Variants in SCHIP1 observed in about 807,000 individuals in gnomAD.
SCHIP1 encodes schwannomin-interacting protein 1.
In SCHIP1, 8 loss-of-function variants were observed where a neutral mutation model predicts 29.7. The observed-to-expected ratio is 0.27, with a 90% CI of 0.16 to 0.49. The LOEUF (loss-of-function observed/expected upper bound fraction) is 0.49. Ranked by LOEUF, SCHIP1 falls within the 20% of genes least tolerant of loss-of-function variation. The probability of loss-of-function intolerance (pLI) is 0.99; values close to 1 mark genes in which losing one functional copy is unlikely to be tolerated. For missense variants in SCHIP1, 193 were observed against 294.6 expected (o/e 0.66, Z 2.52); for synonymous variants, 76 against 94.9 (o/e 0.80, Z 1.16).
chr3:159,497,471 AC>A, the SCHIP1 span, among the ~76,000 whole-genome samples: 2 of 151,154 alleles, frequency 1.3e-5, no homozygotes, highest in East Asian at 3.9e-4. Flanking sequence ...CTTCAAAACC[AC>A]CCCCAAGTAT....
chr3:159,496,343 G>A, the SCHIP1 span, among the ~76,000 whole-genome samples: 1 of 152,096 alleles, frequency 6.6e-6, no homozygotes. Context: ...GAAAATTTTT[G>A]CAACCTACTC....
rs1405352160 is a variant in SCHIP1, at chr3:159,887,695, T to C, written c.268-13T>C. Reference sequence around the variant, plus strand: ...TGCATGGAAGGCTCAGGCTGCTCTTTTTCCCTTTGCAGAGCAAACAGAGTT... The same window carrying C: ...TGCATGGAAGGCTCAGGCTGCTCTTCTTCCCTTTGCAGAGCAAACAGAGTT... On this transcript the variant is annotated splice_polypyrimidine_tract_variant and intron_variant, in intron 3 of 6. Transcript: ENST00000445224. The C allele has an allele frequency of 3.7e-6, 6 of 1,613,676 alleles. No homozygotes were observed. The highest frequency in any genetic ancestry group is 1.3e-5 in the African/African-American group (1 of 74,898).
the SCHIP1 span, among the ~76,000 whole-genome samples, chr3:159,522,861 C>G: frequency 6.7e-6 from 1 of 150,348 alleles, no homozygotes; most frequent in Admixed American, 6.6e-5. Context: ...GAGCGAGACT[C>G]TGTCTCAAAA....
the SCHIP1 span, among the ~76,000 whole-genome samples, chr3:159,729,455 A>C: frequency 2.6e-5 from 4 of 152,328 alleles, no homozygotes; most frequent in South Asian, 8.3e-4. Context: ...GCATAGCTAA[A>C]AGAGAGTCAC....
At chr3:159,516,399 C>T in the SCHIP1 span, among the ~76,000 whole-genome samples, 5 of 152,176 alleles carry the variant, frequency 3.3e-5, no homozygotes, top group Admixed American at 6.5e-5. Flanking sequence ...TTTGACTCCT[C>T]GCTCTGCCTC....
At chr3:159,621,892 C>A in the SCHIP1 span, among the ~76,000 whole-genome samples, 3 of 152,270 alleles carry the variant, frequency 2.0e-5, no homozygotes, top group Admixed American at 2.0e-4. Context: ...TCTCAAACTT[C>A]TGACCTTAGG....
At chr3:159,811,729 A>C in the SCHIP1 span, among the ~76,000 whole-genome samples, 1 of 152,146 alleles carries the variant, frequency 6.6e-6, no homozygotes, top group Non-Finnish European at 1.5e-5. Flanking sequence ...TAAGTTTTCC[A>C]ACTTTGTTCT....
the SCHIP1 span, among the ~76,000 whole-genome samples, chr3:159,730,613 A>G: frequency 3.9e-5 from 6 of 152,320 alleles, no homozygotes; most frequent in African/African-American, 1.2e-4. Flanking sequence ...AGATTGCTGG[A>G]TCAAAGAGTA....
At chr3:159,881,703 C>G (rs1294904334) in intron 2 of SCHIP1, among the ~76,000 whole-genome samples, 1 of 152,160 alleles carries the variant, frequency 6.6e-6, no homozygotes, top group Non-Finnish European at 1.5e-5. Flanking sequence ...GCTTCGTGAC[C>G]CTGTACCAGT....
the SCHIP1 span, among the ~76,000 whole-genome samples, chr3:159,495,287 C>T: frequency 1.3e-5 from 2 of 152,054 alleles, no homozygotes; most frequent in East Asian, 1.9e-4. Context: ...AAATAAAGGA[C>T]ATTCAATTAG....
At chr3:159,532,573 C>T in the SCHIP1 span, among the ~76,000 whole-genome samples, 66 of 152,072 alleles carry the variant, frequency 4.3e-4, no homozygotes, top group Admixed American at 1.0e-3. Context: ...AATACAGAAA[C>T]AAAGTAAATG....
chr3:159,533,193 C>T, the SCHIP1 span, among the ~76,000 whole-genome samples: 2 of 151,764 alleles, frequency 1.3e-5, no homozygotes, highest in African/African-American at 4.8e-5. Context: ...GCTGGTGGGT[C>T]AGAGGAAGTC....
chr3:159,509,330 C>T, the SCHIP1 span, among the ~76,000 whole-genome samples: 6 of 152,132 alleles, frequency 3.9e-5, no homozygotes, highest in Non-Finnish European at 7.4e-5. Context: ...GGTAGATCTT[C>T]CTCCATCCTT....
At chr3:159,789,319 T>C in the SCHIP1 span, among the ~76,000 whole-genome samples, 1 of 152,198 alleles carries the variant, frequency 6.6e-6, no homozygotes, top group African/African-American at 2.4e-5. Flanking sequence ...CATCAACTGA[T>C]TGGATGAGAC....
At chr3:159,378,540 A>G in the SCHIP1 span, among the ~76,000 whole-genome samples, 2 of 152,218 alleles carry the variant, frequency 1.3e-5, no homozygotes, top group African/African-American at 4.8e-5. Context: ...AGGAAGAGGT[A>G]GTAAATCTGC....
chr3:159,411,593 T>C, the SCHIP1 span, among the ~76,000 whole-genome samples: 17 of 152,168 alleles, frequency 1.1e-4, no homozygotes, highest in Non-Finnish European at 2.4e-4. Flanking sequence ...CTTAGAAGTA[T>C]TCATAATGAA....
the SCHIP1 span, among the ~76,000 whole-genome samples, chr3:159,509,133 T>C: frequency 4.6e-5 from 7 of 152,356 alleles, 1 homozygote; most frequent in East Asian, 9.6e-4. Context: ...AAGGACTTGC[T>C]TTATGAACCT....
chr3:159,606,220 AG>A, the SCHIP1 span, among the ~76,000 whole-genome samples: 1 of 152,216 alleles, frequency 6.6e-6, no homozygotes, highest in Non-Finnish European at 1.5e-5. Context: ...ACTCACTGGT[AG>A]CTTTTTACTT....
the SCHIP1 span, among the ~76,000 whole-genome samples, chr3:159,453,565 C>A: frequency 6.6e-6 from 1 of 152,166 alleles, no homozygotes; most frequent in Non-Finnish European, 1.5e-5. Context: ...TCATTTTTCT[C>A]AAATTCAAAG....
Sources: gnomAD v4.1 joint callset for allele counts (sites outside exome capture counted in the v4.1 genomes callset) on GRCh38, gnomAD v4.1.1 for gene constraint, MANE v1.5 for transcripts, NCBI Gene and HGNC (gene_info 2026-07-23, HGNC 2026-07-21) for gene names.